Variants in RBFOX3 observed in about 807,000 individuals in gnomAD.
RBFOX3 encodes RNA binding protein fox-1 homolog 3.
Under a neutral mutation model 48.7 loss-of-function variants are expected in RBFOX3, and 17 were observed. The observed-to-expected ratio is 0.35, with a 90% CI of 0.24 to 0.52. The LOEUF is 0.52. Ranked by LOEUF, RBFOX3 falls within the 20% of genes least tolerant of loss-of-function variation. The probability of loss-of-function intolerance (pLI) is 0.94; values close to 1 mark genes in which losing one functional copy is unlikely to be tolerated. For missense variants in RBFOX3, 382 were observed against 497.5 expected (o/e 0.77, Z 2.21); for synonymous variants, 212 against 209.5 (o/e 1.01, Z -0.10).
chr17:79,132,379 T>C (rs1267812420), intron 4 of RBFOX3, among the ~76,000 whole-genome samples: 1 of 152,188 alleles, frequency 6.6e-6, no homozygotes, highest in Non-Finnish European at 1.5e-5. Context: ...AGCAGCGGCC[T>C]ACAGCCCTAT....
chr17:79,387,337 G>A (rs532594309), intron 2 of RBFOX3, among the ~76,000 whole-genome samples: 1 of 152,246 alleles, frequency 6.6e-6, no homozygotes, highest in South Asian at 2.1e-4. Context: ...AAGAAAAATC[G>A]GTCCTATTAT....
intron 2 of RBFOX3, among the ~76,000 whole-genome samples, chr17:79,450,837 T>C (rs1555741204): frequency 6.6e-6 from 1 of 152,092 alleles, no homozygotes. Context: ...TGCATAACAA[T>C]GATAAGACTA....
intron 4 of RBFOX3, among the ~76,000 whole-genome samples, chr17:79,177,347 G>C (rs1392544964): frequency 6.6e-6 from 1 of 152,258 alleles, no homozygotes; most frequent in Non-Finnish European, 1.5e-5. Flanking sequence ...AAGGACGGCA[G>C]CCGTTTGTGC....
intron 2 of RBFOX3, among the ~76,000 whole-genome samples, chr17:79,342,570 C>A (rs996760868): frequency 6.6e-6 from 1 of 152,194 alleles, no homozygotes. Flanking sequence ...CAAAGCCTAG[C>A]GGCTCAACCT....
chr17:79,355,024 T>G (rs923247840), intron 2 of RBFOX3, among the ~76,000 whole-genome samples: 2 of 152,204 alleles, frequency 1.3e-5, no homozygotes, highest in African/African-American at 4.8e-5. Context: ...GCCCCTCTAA[T>G]GGGGACTCTT....
chr17:79,510,199 C>T (rs1391843280), intron 1 of RBFOX3, among the ~76,000 whole-genome samples: 2 of 152,118 alleles, frequency 1.3e-5, no homozygotes, highest in East Asian at 1.9e-4. Context: ...AGAGGTGCCA[C>T]GGAAAAGCCA....
chr17:79,473,186 G>A lies in RBFOX3; in HGVS notation c.-175+9268C>T, dbSNP rs1555757983. Among the ~76,000 whole-genome samples, 2 of 152,240 alleles carry A rather than the reference G, an allele frequency of 1.3e-5. No individual in the cohort carries two copies. The highest frequency in any genetic ancestry group is 2.9e-5 in the Non-Finnish European group (2 of 68,048). ...TTCTAAATGCTTAATTTCAGCTTCT[G>A]TACTCAGTTGCAGGGATCAGGAGCA... is the stretch of plus-strand genomic sequence containing the variant. On this transcript the variant is annotated intron_variant, in intron 2 of 14. Transcript: ENST00000693108. This position sits in a 1 kb window ranked among gnomAD's most constrained non-coding sequence, Gnocchi z 4.2.
rs990360044 is a variant in RBFOX3, at chr17:79,090,888, A to G, written c.1078-3T>C. On this transcript the variant is annotated splice_polypyrimidine_tract_variant and splice_region_variant and intron_variant, in intron 14 of 14. Coordinates refer to ENST00000693108, the MANE Select transcript of RBFOX3 (RefSeq NM_001350451.2). ...GAAGGAAACGGTGGAAGGTTTCACTACAACAGAAACAGAAAGGCAGGACTT... is the reference window on the plus strand; with the variant it reads ...GAAGGAAACGGTGGAAGGTTTCACTGCAACAGAAACAGAAAGGCAGGACTT... 38 of 1,535,030 alleles carry G rather than the reference A, an allele frequency of 2.5e-5. No homozygotes were observed. Among genetic ancestry groups the G allele is most frequent in the Non-Finnish European group, 2.9e-5 (33 of 1,140,966 alleles).
intron 1 of RBFOX3, among the ~76,000 whole-genome samples, chr17:79,544,811 A>G (rs1555791363): frequency 1.3e-5 from 2 of 151,824 alleles, no homozygotes. Context: ...CCTTCTAGAC[A>G]TGGGGGAGTA....
Position 79,421,001 on chromosome 17 carries a change from CT to C in RBFOX3, c.-175+61452del, listed in dbSNP as rs1195534845. ...CGGGCATGGAGGCCCAGGGGCTTCC[CT>C]GCTGAGTGAGCCTCCCCTGGTGGGT... On this transcript the variant is annotated intron_variant, in intron 2 of 14. Transcript: ENST00000693108. This position sits in a 1 kb window ranked among gnomAD's most constrained non-coding sequence, Gnocchi z 4.5. Among the ~76,000 whole-genome samples, 3 of 152,134 alleles carry C rather than the reference CT, an allele frequency of 2.0e-5. No individual in the cohort carries two copies. The highest frequency in any genetic ancestry group is 7.2e-5 in the African/African-American group (3 of 41,428).
At chr17:79,107,452 A>G (rs1034282704) in intron 5 of RBFOX3, among the ~76,000 whole-genome samples, 1 of 152,194 alleles carries the variant, frequency 6.6e-6, no homozygotes, top group Non-Finnish European at 1.5e-5. Flanking sequence ...GTCTCAGGAA[A>G]CAAAAGCCAC....
chr17:79,248,104 G>T (rs1385476727), intron 3 of RBFOX3, among the ~76,000 whole-genome samples: 1 of 152,264 alleles, frequency 6.6e-6, no homozygotes, highest in Non-Finnish European at 1.5e-5. Flanking sequence ...CACCCAAACA[G>T]GGCGAAGGGG....
chr17:79,349,237 C>T lies in RBFOX3; in HGVS notation c.-174-41413G>A, dbSNP rs925503733. The stretch of plus-strand genomic sequence containing the variant: ...TATCCCTGCTCAGCCCCTGCACGTG[C>T]CTTCCACTGAGCTGTGGGCTGCGGG... On this transcript the variant is annotated intron_variant, in intron 2 of 14. Coordinates refer to ENST00000693108, the MANE Select transcript of RBFOX3 (RefSeq NM_001350451.2). Among the ~76,000 whole-genome samples, 5 of 152,206 alleles carry T rather than the reference C, an allele frequency of 3.3e-5. No individual in the cohort carries two copies. In the East Asian group the frequency reaches 9.7e-4, roughly 29 times the overall value.
chr17:79,604,667 G>T (rs2093786537), intron 1 of RBFOX3, among the ~76,000 whole-genome samples: 1 of 152,218 alleles, frequency 6.6e-6, no homozygotes, highest in Admixed American at 6.5e-5. Flanking sequence ...TTAAGAGTTT[G>T]GAGCTATGAA....
chr17:79,177,924 C>A (rs1030097663), intron 4 of RBFOX3, among the ~76,000 whole-genome samples: 2 of 152,224 alleles, frequency 1.3e-5, no homozygotes, highest in Non-Finnish European at 2.9e-5. Flanking sequence ...CATTTGTCCA[C>A]GTTGGGAGGA....
At chr17:79,609,740 C>T (rs2093927143) in intron 1 of RBFOX3, among the ~76,000 whole-genome samples, 2 of 151,586 alleles carry the variant, frequency 1.3e-5, no homozygotes, top group Admixed American at 1.3e-4. Flanking sequence ...CGGGGCGCCG[C>T]GTCTCGGTCC....
At chr17:79,292,963 G>A (rs2073631296) in intron 3 of RBFOX3, among the ~76,000 whole-genome samples, 1 of 152,052 alleles carries the variant, frequency 6.6e-6, no homozygotes, top group Non-Finnish European at 1.5e-5. Context: ...TTTTATACCT[G>A]CCCCCACCTT....
In RBFOX3 at chr17:79,101,631, G is replaced by A. The variant is rs1207425560; in HGVS notation, c.521C>T (p.Thr174Met). Residue 174 changes from threonine (T) to methionine (M), a missense_variant, in exon 9 of 15, where the codon ACG becomes ATG. Around this residue, in one of 3 missense-constraint regions of RBFOX3, gnomAD observed 49 missense variants for 110.7 expected, o/e 0.44. Coordinates refer to ENST00000693108, the MANE Select transcript of RBFOX3 (RefSeq NM_001350451.2). The part of the protein sequence containing the change: ...EGRKIEVNNA[T>M]ARVMTNKKTG... ...CTTCTTGTTGGTCATCACTCGGGCC[G>A]TGGCATTATTGACCTGTTCAAAGAG... 6 of 1,551,276 alleles carry A rather than the reference G, an allele frequency of 3.9e-6. No individual in the cohort carries two copies. Among genetic ancestry groups the A allele is most frequent in the Non-Finnish European group, 2.6e-6 (3 of 1,146,928 alleles).
At chr17:79,342,823 G>T (rs1301930859) in intron 2 of RBFOX3, among the ~76,000 whole-genome samples, 3 of 152,198 alleles carry the variant, frequency 2.0e-5, no homozygotes, top group Non-Finnish European at 2.9e-5. Flanking sequence ...AGGAAAACTA[G>T]GGTGAAGAGA....
Sources: allele counts gnomAD v4.1 joint callset (sites outside exome capture counted in the v4.1 genomes callset), GRCh38; gene constraint gnomAD v4.1.1; regional missense constraint gnomAD v4.1.1; non-coding constraint Gnocchi (gnomAD v3.1); transcripts MANE v1.5; gene names NCBI Gene and HGNC (gene_info 2026-07-23, HGNC 2026-07-21).